Variants in NEDD4 observed in about 807,000 individuals in gnomAD.
NEDD4 encodes the protein NEDD4 E3 ubiquitin protein ligase.
In NEDD4, 99 loss-of-function variants were observed where a neutral mutation model predicts 144.9. The observed-to-expected ratio is 0.68, with a 90% CI of 0.58 to 0.81. The LOEUF (loss-of-function observed/expected upper bound fraction) is 0.81. Ranked by LOEUF, NEDD4 falls within the 30% of genes least tolerant of loss-of-function variation. The pLI is 0.00. For synonymous variants in NEDD4, 318 were observed against 350.6 expected (o/e 0.91, Z 1.04); for missense variants, 985 against 1,065.9 (o/e 0.92, Z 1.06).
chr15:55,975,144 C>T lies in NEDD4; in HGVS notation c.46-8598G>A, dbSNP rs186129717. On this transcript the variant is annotated intron_variant, in intron 1 of 28. Transcript: ENST00000435532. ...CTGACCTCAGGCAATCCACCCACCT[C>T]GGCCTCTCAAAGTGCTGGGATTACA... 1.5e-3 allele frequency among the ~76,000 whole-genome samples: 227 copies of T among 152,080 alleles called. 1 individual carries two copies. Among genetic ancestry groups the T allele is most frequent in the South Asian group, 2.1e-4 (1 of 4,806 alleles).
At chr15:55,885,901 G>A (rs1204432381) in intron 5 of NEDD4, among the ~76,000 whole-genome samples, 1 of 151,348 alleles carries the variant, frequency 6.6e-6, no homozygotes, top group Non-Finnish European at 1.5e-5. Context: ...AAGACATACA[G>A]TGGCTGAATA....
chr15:55,918,009 CT>C (rs1369420173), intron 5 of NEDD4, among the ~76,000 whole-genome samples: 1 of 152,140 alleles, frequency 6.6e-6, no homozygotes, highest in Non-Finnish European at 1.5e-5. Flanking sequence ...TCTAAGAGCT[CT>C]TTGCTGGCCC....
chr15:55,951,144 G>A (rs2037230370), intron 4 of NEDD4, among the ~76,000 whole-genome samples: 1 of 152,132 alleles, frequency 6.6e-6, no homozygotes, highest in African/African-American at 2.4e-5. Context: ...TAAGACTACT[G>A]TACAGTCTCT....
At chr15:55,905,669 A>G (rs2036066009) in intron 5 of NEDD4, among the ~76,000 whole-genome samples, 1 of 152,218 alleles carries the variant, frequency 6.6e-6, no homozygotes, top group African/African-American at 2.4e-5. Flanking sequence ...ATCAGAAACA[A>G]GAAAGAACTT....
rs1030004909 is a variant in NEDD4, at chr15:55,953,806, C to T, written c.120-2217G>A. Among the ~76,000 whole-genome samples the T allele has an allele frequency of 2.0e-5, 3 of 151,988 alleles. No individual in the cohort carries two copies. The East Asian group carries it at 5.8e-4, about 29-fold the overall frequency. On this transcript the variant is annotated intron_variant, in intron 2 of 28. Coordinates refer to ENST00000435532, the MANE Select transcript of NEDD4 (RefSeq NM_006154.4). ...CACGATCTCGGCTCACTGCAACCTCCTCCTCCTGGGTTCAAGCAATTCTCC... is the reference window on the plus strand; with the variant it reads ...CACGATCTCGGCTCACTGCAACCTCTTCCTCCTGGGTTCAAGCAATTCTCC...
chr15:55,840,758 T>A (rs2033467070), intron 19 of NEDD4, 31 bp from the exon 20 acceptor site: 3 of 1,583,386 alleles, frequency 1.9e-6, no homozygotes, highest in Non-Finnish European at 2.6e-6. Flanking sequence ...AAATACTTCA[T>A]TTGAAAAACT....
At chr15:55,966,005 T>C (rs1398944467) in intron 2 of NEDD4, among the ~76,000 whole-genome samples, 1 of 152,154 alleles carries the variant, frequency 6.6e-6, no homozygotes, top group Non-Finnish European at 1.5e-5. Context: ...TCCCAGGCCA[T>C]GAAGACTACA....
At chr15:55,965,440 A>C (rs1415397899) in intron 2 of NEDD4, among the ~76,000 whole-genome samples, 3 of 151,518 alleles carry the variant, frequency 2.0e-5, no homozygotes, top group South Asian at 2.1e-4. Context: ...GAGCTCAAGC[A>C]ACCTGTCTGC....
At chr15:55,929,677 A>AT (rs2036743084) in intron 4 of NEDD4, among the ~76,000 whole-genome samples, 1 of 152,194 alleles carries the variant, frequency 6.6e-6, no homozygotes, top group East Asian at 1.9e-4. Context: ...ATGTTTATGC[A>AT]TTTTACCTAG....
intron 5 of NEDD4, among the ~76,000 whole-genome samples, chr15:55,920,563 A>G (rs1466334055): frequency 1.3e-5 from 2 of 152,252 alleles, no homozygotes; most frequent in African/African-American, 4.8e-5. Flanking sequence ...AAAAAGTGAT[A>G]TAAGCCTACT....
rs186774390 is a variant in NEDD4, at chr15:55,828,772, A to G, written c.*1125T>C. 1.4e-4 allele frequency: 21 copies of G among 152,784 alleles called. No homozygotes were observed. The highest frequency in any genetic ancestry group is 2.6e-4 in the Non-Finnish European group (18 of 68,036). The allele number at this position is 152,784 out of a possible 1,614,324, so 9.5% of individuals were successfully genotyped here. On this transcript the variant is annotated 3_prime_UTR_variant, in exon 29 of 29. Transcript: ENST00000435532. ...ATTTGTAATTAAAAACATTGTCTTC[A>G]TAGTAAACAGTATTTTAAAAGGCAT...
intron 5 of NEDD4, among the ~76,000 whole-genome samples, chr15:55,909,938 T>C (rs1325531027): frequency 6.6e-6 from 1 of 152,198 alleles, no homozygotes; most frequent in Non-Finnish European, 1.5e-5. Context: ...AAATGAGGTG[T>C]GAATATTCAT....
At chr15:55,930,811 T>C (rs1355744005) in intron 4 of NEDD4, among the ~76,000 whole-genome samples, 1 of 152,204 alleles carries the variant, frequency 6.6e-6, no homozygotes, top group African/African-American at 2.4e-5. Flanking sequence ...CCTGCTACCA[T>C]GTATGATATG....
chr15:55,925,076 C>A (rs1262738715), intron 4 of NEDD4, among the ~76,000 whole-genome samples: 1 of 152,046 alleles, frequency 6.6e-6, no homozygotes, highest in Non-Finnish European at 1.5e-5. Flanking sequence ...TCAAGAAAAA[C>A]AAAACAAAAC....
chr15:55,905,237 TA>T (rs772274889), intron 5 of NEDD4: 73 of 454,822 alleles, frequency 1.6e-4, no homozygotes, highest in Non-Finnish European at 3.2e-4. Flanking sequence ...TTGCAGAACT[TA>T]TATAAAGGAA....
chr15:55,913,710 C>G (rs1169923617), intron 5 of NEDD4, among the ~76,000 whole-genome samples: 2 of 151,864 alleles, frequency 1.3e-5, no homozygotes, highest in African/African-American at 4.8e-5. Flanking sequence ...TTTAACAATG[C>G]AAAAGGCATT....
chr15:55,915,070 A>G (rs915894654), intron 5 of NEDD4, among the ~76,000 whole-genome samples: 1 of 152,112 alleles, frequency 6.6e-6, no homozygotes, highest in African/African-American at 2.4e-5. Flanking sequence ...TTTTAAAAAT[A>G]TACATTTTGT....
intron 5 of NEDD4, 40 bp downstream of exon 5, chr15:55,924,606 A>G (rs1479789341): frequency 6.4e-7 from 1 of 1,550,470 alleles, no homozygotes; most frequent in Non-Finnish European, 8.8e-7. Flanking sequence ...ACTGAAATGT[A>G]CCCTTACTTC....
In NEDD4 at chr15:55,860,648, A is replaced by T; in HGVS notation, c.792+13T>A. 1 of 1,613,828 alleles carries T rather than the reference A, an allele frequency of 6.2e-7. No individual in the cohort carries two copies. Among genetic ancestry groups the T allele is most frequent in the Non-Finnish European group, 8.5e-7 (1 of 1,179,836 alleles). ...CATGTGTCTTTCAAGGAGAACTAGG[A>T]AACTACTTATACCTCGGAAGACTCT... On this transcript the variant is annotated intron_variant, in intron 10 of 28. Transcript: ENST00000435532.
Sources: gnomAD v4.1 joint callset for allele counts (sites outside exome capture counted in the v4.1 genomes callset) on GRCh38, gnomAD v4.1.1 for gene constraint, MANE v1.5 for transcripts, NCBI Gene and HGNC (gene_info 2026-07-23, HGNC 2026-07-21) for gene names.